PARP6: variants seen among roughly 807,000 people sequenced by gnomAD.
The protein encoded by PARP6 is protein mono-ADP-ribosyltransferase PARP6.
In PARP6, 27 loss-of-function variants were observed where a neutral mutation model predicts 92.0. The observed-to-expected ratio is 0.29, with a 90% CI of 0.22 to 0.40. The LOEUF is 0.40. Among genes scored for constraint, PARP6 ranks in the 10% least tolerant of loss-of-function variants. The pLI, the probability that PARP6 is intolerant of heterozygous loss-of-function variation, is 1.00. For missense variants in PARP6, 501 were observed against 784.5 expected (o/e 0.64, Z 4.32); for synonymous variants, 272 against 281.2 (o/e 0.97, Z 0.33).
intron 3 of PARP6, chr15:72,267,218 C>T (rs1367100533): frequency 3.5e-6 from 2 of 572,838 alleles, no homozygotes; most frequent in Non-Finnish European, 6.3e-6. Context: ...TTCCCAAGCA[C>T]ACCTAAACTC....
rs779562191 is a variant in PARP6 at position 72,252,508 on chromosome 15, G to A, written c.1259+929C>T. On this transcript the variant is annotated intron_variant, in intron 16 of 23. Transcript: ENST00000569795. ...ACATGTAATTTTTTTTTTTTGAGAC[G>A]GAGTTTCGCTCTTGTTGCCCAGGCT... 5.3e-5 allele frequency among the ~76,000 whole-genome samples: 8 copies of A among 150,652 alleles called. No homozygotes were observed. The South Asian group carries it at 8.4e-4, about 16-fold the overall frequency.
chr15:72,265,838 T>A (rs2086512319), intron 5 of PARP6, 59 bp downstream of exon 5: 1 of 1,158,178 alleles, frequency 8.6e-7, no homozygotes, highest in South Asian at 1.2e-5. Context: ...ACCTCTAGCC[T>A]TTTAACAACT....
intron 12 of PARP6, 109 bp downstream of exon 12, chr15:72,257,928 G>A: frequency 1.3e-6 from 1 of 784,616 alleles, no homozygotes. Context: ...GAGTATCAGG[G>A]TGTACAGACA....
In PARP6 at chr15:72,247,201, G is replaced by T. The variant is rs569964084; in HGVS notation, c.1561+2044C>A. Among the ~76,000 whole-genome samples the T allele has an allele frequency of 9.2e-5, 14 of 152,132 alleles. No homozygotes were observed. In the South Asian group the frequency reaches 2.1e-3, roughly 23 times the overall value. On this transcript the variant is annotated intron_variant, in intron 20 of 23. Coordinates refer to ENST00000569795, the MANE Select transcript of PARP6 (RefSeq NM_001323532.2). ...AATTTTTTTTCTTTTTTGAGACAGG[G>T]TCTCGCTCTACTGCCCAAGCTGGAG...
Position 72,265,115 on chromosome 15 carries a change from C to T in PARP6, c.294G>A (p.Leu98=), listed in dbSNP as rs1169016823. 1.9e-6 allele frequency: 3 copies of T among 1,613,844 alleles called. No homozygotes were observed. The highest frequency in any genetic ancestry group is 2.7e-5 in the African/African-American group (2 of 75,040). ...VLRTEPIVLR[L]RFSLSQYLDG... Reference sequence around the variant, plus strand: ...CTAGGTACTGGGAGAGAGAAAATCGCAGCCTCAACACAATAGGTTCTGTCC... The same window carrying T: ...CTAGGTACTGGGAGAGAGAAAATCGTAGCCTCAACACAATAGGTTCTGTCC... The change falls in exon 7 of 24, where the codon CTG becomes CTA. Residue 98 remains leucine (L), a synonymous_variant. Coordinates refer to ENST00000569795, the MANE Select transcript of PARP6 (RefSeq NM_001323532.2).
chr15:72,271,462 T>C (rs1046149149), intron 1 of PARP6, among the ~76,000 whole-genome samples, 175 bp from the exon 2 acceptor site: 1 of 151,866 alleles, frequency 6.6e-6, no homozygotes, highest in African/African-American at 2.4e-5. Flanking sequence ...AGGTGAAGAG[T>C]TGGAAAAGGA....
At chr15:72,267,001 A>G (rs976005033) in intron 3 of PARP6, 179 bp from the exon 4 acceptor site, 7 of 587,836 alleles carry the variant, frequency 1.2e-5, no homozygotes, top group Non-Finnish European at 1.8e-5. Flanking sequence ...TCTCTTCCTG[A>G]TATGATCATA....
Position 72,250,891 on chromosome 15 carries a change from G to T in PARP6, c.1372C>A (p.Arg458=). 1 of 1,564,356 alleles carries T rather than the reference G, an allele frequency of 6.4e-7. No individual in the cohort carries two copies. The highest frequency in any genetic ancestry group is 1.1e-5 in the South Asian group (1 of 90,222). The stretch of plus-strand genomic sequence containing the variant: ...TAGAGCTTCTTGGCGGTCCGGAACC[G>T]AGCCTCCTTGGCAGGAGGGCTGCTC... The part of the protein sequence containing the change: ...LLSSPPAKEA[R]FRTAKKLYGS... Residue 458 remains arginine (R), a synonymous_variant, in exon 18 of 24, where the codon CGG becomes AGG. Transcript: ENST00000569795.
intron 13 of PARP6, 65 bp from the exon 14 acceptor site, chr15:72,256,655 A>C: frequency 7.7e-7 from 1 of 1,294,582 alleles, no homozygotes; most frequent in Non-Finnish European, 1.0e-6. Flanking sequence ...GAGTCAGAGT[A>C]CCCAGTATTT....
At chr15:72,247,779 T>G (rs1315940375) in intron 20 of PARP6, among the ~76,000 whole-genome samples, 1 of 152,192 alleles carries the variant, frequency 6.6e-6, no homozygotes, top group African/African-American at 2.4e-5. Flanking sequence ...GGTAACTCTC[T>G]TATTACTTTT....
chr15:72,241,752 C>A lies in PARP6; in HGVS notation c.1790+149G>T. ...CCCAACCATCTATACCCATTCCCATCCTCCAATGGTAAAGTCCCAGTGACA... is the reference window on the plus strand; with the variant it reads ...CCCAACCATCTATACCCATTCCCATACTCCAATGGTAAAGTCCCAGTGACA... On this transcript the variant is annotated intron_variant, in intron 23 of 23. Transcript: ENST00000569795. This position sits in a 1 kb window ranked among gnomAD's most constrained non-coding sequence, Gnocchi z 4.1. The A allele has an allele frequency of 1.3e-6, 1 of 758,490 alleles. No individual in the cohort carries two copies. Among genetic ancestry groups the A allele is most frequent in the Non-Finnish European group, 2.3e-6 (1 of 437,972 alleles). 47.0% of individuals were successfully genotyped at this position (758,490 alleles called of 1,614,324 possible).
chr15:72,253,728 G>A (rs2084679908), intron 15 of PARP6: 5 of 674,006 alleles, frequency 7.4e-6, no homozygotes, highest in Non-Finnish European at 1.1e-5. Context: ...CAACATGCAG[G>A]TGGGTCTCCC....
At chr15:72,257,518 T>C in intron 12 of PARP6, 78 bp from the exon 13 acceptor site, 1 of 1,103,696 alleles carries the variant, frequency 9.1e-7, no homozygotes, top group Non-Finnish European at 1.4e-6. Context: ...AGTCCTAACC[T>C]CAGACAACTC....
intron 3 of PARP6, 45 bp from the exon 4 acceptor site, chr15:72,266,867 T>C: frequency 6.9e-7 from 1 of 1,441,836 alleles, no homozygotes; most frequent in Non-Finnish European, 9.8e-7. Context: ...AGGTCCCTAT[T>C]ATCCCATGGA....
Position 72,257,446 on chromosome 15 carries a change from AG to A in PARP6, c.907-7del. On this transcript the variant is annotated splice_region_variant and splice_polypyrimidine_tract_variant and intron_variant, in intron 12 of 23. Transcript: ENST00000569795. ...TCACGAGTACAGACAGCTGGCTGAA[AG>A]GATATATTAAACAGATGGTGGTGGG... 2.5e-6 allele frequency: 4 copies of A among 1,611,392 alleles called. No individual in the cohort carries two copies. Among genetic ancestry groups the A allele is most frequent in the Non-Finnish European group, 3.4e-6 (4 of 1,177,518 alleles).
In PARP6 at chr15:72,241,644, C is replaced by T. The variant is rs974036229; in HGVS notation, c.1791-87G>A. 6.8e-6 allele frequency: 7 copies of T among 1,023,212 alleles called. No homozygotes were observed. Among genetic ancestry groups the T allele is most frequent in the African/African-American group, 1.6e-5 (1 of 63,476 alleles). 63.4% of individuals were successfully genotyped at this position (1,023,212 alleles called of 1,614,324 possible). Reference sequence around the variant, plus strand: ...AGTGGAACTGTATTTCAAGGTATGGCCATCCCATCCCAGAAGTCAAAGCCC... The same window carrying T: ...AGTGGAACTGTATTTCAAGGTATGGTCATCCCATCCCAGAAGTCAAAGCCC... On this transcript the variant is annotated intron_variant, in intron 23 of 23. Transcript: ENST00000569795. The surrounding 1 kb of genome is among the most constrained non-coding windows in gnomAD (Gnocchi z 4.1).
chr15:72,247,794 T>C (rs1439653425), intron 20 of PARP6, among the ~76,000 whole-genome samples: 1 of 152,194 alleles, frequency 6.6e-6, no homozygotes. Flanking sequence ...ACTTTTTATT[T>C]TTTTTTTAGG....
At chr15:72,258,395 T>G (rs534829968) in intron 11 of PARP6, among the ~76,000 whole-genome samples, 4 of 152,350 alleles carry the variant, frequency 2.6e-5, no homozygotes, top group Admixed American at 6.5e-5. Context: ...TATATAACTT[T>G]AAGCAAGTCA....
chr15:72,255,770 T>C (rs1181898883), intron 14 of PARP6, among the ~76,000 whole-genome samples: 1 of 144,306 alleles, frequency 6.9e-6, no homozygotes, highest in Non-Finnish European at 1.5e-5. Flanking sequence ...GTACTTTACA[T>C]ATATTACTTC....
Sources: allele counts gnomAD v4.1 joint callset (sites outside exome capture counted in the v4.1 genomes callset), GRCh38; gene constraint gnomAD v4.1.1; non-coding constraint Gnocchi (gnomAD v3.1); transcripts MANE v1.5; gene names NCBI Gene and HGNC (gene_info 2026-07-23, HGNC 2026-07-21).